Variants in CRACR2A observed in about 807,000 individuals in gnomAD.
CRACR2A encodes EF-hand calcium-binding domain-containing protein 4B.
A neutral mutation model predicts 90.5 loss-of-function variants in CRACR2A; 79 were observed. That is an observed-to-expected ratio of 0.87 (90% CI 0.73 to 1.05). The LOEUF (loss-of-function observed/expected upper bound fraction) is 1.05, where lower values mean the gene tolerates loss of function less well. CRACR2A is among the 50% of genes least tolerant of loss of function. The pLI is 0.00. For missense variants in CRACR2A, 823 were observed against 897.2 expected (o/e 0.92, Z 1.06); for synonymous variants, 338 against 356.7 (o/e 0.95, Z 0.59).
At chr12:3,616,700 A>C (rs4766146) in intron 19 of CRACR2A, among the ~76,000 whole-genome samples, 10,396 of 152,334 alleles carry the variant, frequency 0.068, 397 homozygotes, top group Middle Eastern at 0.13. Context: ...CTTTAAGACT[A>C]AGAAGAAGAC....
At chr12:3,629,722 G>C (rs1239899687) in intron 15 of CRACR2A, among the ~76,000 whole-genome samples, 2 of 152,098 alleles carry the variant, frequency 1.3e-5, no homozygotes, top group African/African-American at 4.8e-5. Flanking sequence ...CTGTGCTGTG[G>C]TGAGCTTGGT....
chr12:3,616,180 A>G (rs1386550967), intron 19 of CRACR2A, among the ~76,000 whole-genome samples: 3 of 152,252 alleles, frequency 2.0e-5, no homozygotes, highest in Non-Finnish European at 4.4e-5. Context: ...GTGATACTCC[A>G]TAACCCTATA....
At chr12:3,623,885 G>A (rs1373604128) in intron 17 of CRACR2A, among the ~76,000 whole-genome samples, 1 of 152,146 alleles carries the variant, frequency 6.6e-6, no homozygotes, top group Non-Finnish European at 1.5e-5. Flanking sequence ...CCTCTGGGCT[G>A]GAAGGACCCT....
At chr12:3,745,759 C>A (rs1235166636) in intron 1 of CRACR2A, among the ~76,000 whole-genome samples, 3 of 61,834 alleles carry the variant, frequency 4.9e-5, no homozygotes, top group African/African-American at 1.6e-4. Flanking sequence ...GCCTGGGCAA[C>A]AAGAACAAAA....
At chr12:3,638,091 A>C in intron 14 of CRACR2A, 33 bp downstream of exon 14, 1 of 1,505,142 alleles carries the variant, frequency 6.6e-7, no homozygotes, top group Non-Finnish European at 8.9e-7. Context: ...CATAGAAGTG[A>C]TGTGCATGAA....
chr12:3,745,825 T>TAACATAACATAACATA (rs1555123102), intron 1 of CRACR2A, among the ~76,000 whole-genome samples: 2 of 100,534 alleles, frequency 2.0e-5, no homozygotes, highest in Admixed American at 1.1e-4. Flanking sequence ...TAAAATAAAA[T>TAACATAACATAACATA]AAAGAAAGAA....
intron 4 of CRACR2A, among the ~76,000 whole-genome samples, chr12:3,694,372 ACT>A (rs1396166759): frequency 6.6e-6 from 1 of 151,690 alleles, no homozygotes; most frequent in Non-Finnish European, 1.5e-5. Context: ...CTTGAAGACC[ACT>A]CTCTGCTGTC....
intron 15 of CRACR2A, among the ~76,000 whole-genome samples, chr12:3,628,399 A>G (rs890190216): frequency 6.6e-6 from 1 of 152,260 alleles, no homozygotes; most frequent in Non-Finnish European, 1.5e-5. Flanking sequence ...TGGCAGGTAG[A>G]GGAAAGGACA....
In CRACR2A at chr12:3,678,981, C is replaced by T. The variant is rs767357528; in HGVS notation, c.458G>A (p.Gly153Asp). The change falls in exon 6 of 20, where the codon GGC becomes GAC. Residue 153 changes from glycine (G) to aspartate (D), a missense_variant. Transcript: ENST00000440314. ...CCGGAACTGGGCTTCCTCATCTTCG[C>T]CCATGTCGCCCAGATCCTCATCCCC... Reference protein sequence around the residue: ...SRGDEDLGDMGEDEEAQFRML... With the variant: ...SRGDEDLGDMDEDEEAQFRML... The T allele has an allele frequency of 1.9e-6, 3 of 1,613,904 alleles. No individual in the cohort carries two copies. Among genetic ancestry groups the T allele is most frequent in the Non-Finnish European group, 2.5e-6 (3 of 1,179,916 alleles).
Position 3,720,139 on chromosome 12 carries a change from AG to A in CRACR2A, c.-117-6823del, listed in dbSNP as rs1275247260. Among the ~76,000 whole-genome samples, 15 of 129,416 alleles carry A rather than the reference AG, an allele frequency of 1.2e-4. No homozygotes were observed. The East Asian group carries it at 1.4e-3, about 12-fold the overall frequency. 84.9% of individuals were successfully genotyped at this position (129,416 alleles called of 152,430 possible). On this transcript the variant is annotated intron_variant, in intron 2 of 19. Coordinates refer to ENST00000440314, the MANE Select transcript of CRACR2A (RefSeq NM_001144958.2). ...TATCTCAAGAAAGAAAGAAAGAAAA[AG>A]AAAAGAAAGAAAGAAAGAGAGAGAG...
chr12:3,732,549 G>T (rs1201045782), intron 2 of CRACR2A: 1 of 152,410 alleles, frequency 6.6e-6, no homozygotes, highest in East Asian at 1.9e-4. Flanking sequence ...TCTAGAAGCT[G>T]TCGCCACTGC....
chr12:3,642,162 T>C (rs1159649249), intron 12 of CRACR2A, among the ~76,000 whole-genome samples: 2 of 152,190 alleles, frequency 1.3e-5, no homozygotes, highest in Non-Finnish European at 2.9e-5. Context: ...ATATTTTCTA[T>C]ACATATTTCT....
intron 7 of CRACR2A, among the ~76,000 whole-genome samples, chr12:3,665,806 A>T (rs2137534197): frequency 6.6e-6 from 1 of 152,338 alleles, no homozygotes; most frequent in South Asian, 2.1e-4. Flanking sequence ...GTGGAGAGAG[A>T]AGTCCATACA....
In CRACR2A at chr12:3,696,964, G is replaced by A; in HGVS notation, c.36C>T (p.Pro12=). The A allele has an allele frequency of 1.2e-6, 2 of 1,613,948 alleles. No homozygotes were observed. Among genetic ancestry groups the A allele is most frequent in the Non-Finnish European group, 1.7e-6 (2 of 1,179,942 alleles). ...AAPDGRVVSR[P]QRLGQGSGQG... is the part of the protein sequence containing the mutation. ...GGCCAGACCCCTGACCAAGTCTCTGGGGTCTGGAGACTACCCTCCCGTCAG... is the reference window on the plus strand; with the variant it reads ...GGCCAGACCCCTGACCAAGTCTCTGAGGTCTGGAGACTACCCTCCCGTCAG... Residue 12 remains proline, a synonymous_variant, in exon 4 of 20, where the codon CCC becomes CCT. Coordinates refer to ENST00000440314, the MANE Select transcript of CRACR2A (RefSeq NM_001144958.2).
At position 3,715,019 on chromosome 12, in the gene CRACR2A, T is replaced by C. The variant is rs142682846; in HGVS notation, c.-117-1702A>G. Among the ~76,000 whole-genome samples the C allele has an allele frequency of 6.0e-4, 91 of 152,366 alleles. 1 individual carries two copies. The highest frequency in any genetic ancestry group is 2.1e-3 in the African/African-American group (86 of 41,588). On this transcript the variant is annotated intron_variant, in intron 2 of 19. Coordinates refer to ENST00000440314, the MANE Select transcript of CRACR2A (RefSeq NM_001144958.2). ...ACAGCTGAGGGATTCAGAAAGCCAC[T>C]GAGCCCCAGATCTGAACTCTCTTGT...
intron 10 of CRACR2A, among the ~76,000 whole-genome samples, chr12:3,650,438 C>T (rs1045212038): frequency 2.6e-5 from 4 of 152,230 alleles, no homozygotes; most frequent in Admixed American, 6.5e-5. Context: ...TGCAGAGATG[C>T]AAATTCCTGA....
intron 17 of CRACR2A, among the ~76,000 whole-genome samples, chr12:3,623,390 G>T (rs1944187695): frequency 6.6e-6 from 1 of 152,126 alleles, no homozygotes; most frequent in African/African-American, 2.4e-5. Flanking sequence ...AACGACAAGA[G>T]GCTCTAAACA....
At chr12:3,703,564 C>T (rs893439685) in intron 3 of CRACR2A, among the ~76,000 whole-genome samples, 8 of 152,194 alleles carry the variant, frequency 5.3e-5, no homozygotes, top group South Asian at 4.1e-4. Flanking sequence ...GAAAAAAATA[C>T]GACAAATTGG....
At chr12:3,724,842 T>G (rs563998817) in intron 2 of CRACR2A, among the ~76,000 whole-genome samples, 2 of 152,290 alleles carry the variant, frequency 1.3e-5, no homozygotes, top group South Asian at 4.1e-4. Context: ...ACCTCACCCT[T>G]CACTGGTTCC....
Sources: allele counts gnomAD v4.1 joint callset (sites outside exome capture counted in the v4.1 genomes callset), GRCh38; gene constraint gnomAD v4.1.1; transcripts MANE v1.5; gene names NCBI Gene and HGNC (gene_info 2026-07-23, HGNC 2026-07-21).